The following TYMP variants were observed in gnomAD, a reference collection of about 807,000 sequenced individuals.
TYMP encodes thymidine phosphorylase, also known as gliostatin.
Under a neutral mutation model 42.3 loss-of-function variants are expected in TYMP, and 46 were observed. That is an observed-to-expected ratio of 1.09 (90% CI 0.86 to 1.39). The LOEUF (loss-of-function observed/expected upper bound fraction) is 1.39. Ranked by LOEUF, TYMP falls within the 40% of genes most tolerant of loss-of-function variation. The probability of loss-of-function intolerance (pLI) is 0.00; values close to 1 mark genes in which losing one functional copy is unlikely to be tolerated. For missense variants in TYMP, 837 were observed against 677.6 expected (o/e 1.24, Z -2.61); for synonymous variants, 363 against 308.0 (o/e 1.18, Z -1.87).
Position 50,526,725 on chromosome 22 carries a change from GC to G in TYMP, c.778del (p.Ala260ProfsTer3), listed in dbSNP as rs1026144430. The G allele has an allele frequency of 6.5e-7, 1 of 1,537,174 alleles. No homozygotes were observed. The highest frequency in any genetic ancestry group is 1.4e-5 in the African/African-American group (1 of 73,074). On this transcript the variant is annotated frameshift_variant, in exon 7 of 10. Transcript: ENST00000252029. LOFTEE classifies it high-confidence loss of function. ...ELAKTLVGVG[A>X]SLGLRVAAAL... is the part of the protein sequence containing the mutation. ...TGCCGCGACCCGAAGCCCTAGGCTG[GC>G]TCCCACGCCAACCTGCGGAGAGGAG...
At chr22:50,527,802 T>G in intron 4 of TYMP, 85 bp from the exon 5 acceptor site, 2 of 1,548,538 alleles carry the variant, frequency 1.3e-6, no homozygotes, top group Non-Finnish European at 1.7e-6. Context: ...CTGTGAAGAG[T>G]CTTCCTCTGT....
At position 50,529,198 on chromosome 22, in the gene TYMP, C is replaced by T. The variant is rs786205559; in HGVS notation, c.355G>A (p.Gly119Arg). Residue 119 changes from glycine to arginine, a missense_variant, in exon 3 of 10, where the codon GGG becomes AGG. Gly to Arg is a moderately radical substitution (Grantham distance 125). Transcript: ENST00000252029. The part of the protein sequence containing the change: ...RQQLVDKHST[G>R]GVGDKVSLVL... ...AGGCTGACCTTGTCACCCACACCCC[C>T]TGTGGAATGCTTGTCCACAAGCTGC... The T allele has an allele frequency of 6.2e-7, 1 of 1,613,338 alleles. No homozygotes were observed. Among genetic ancestry groups the T allele is most frequent in the Non-Finnish European group, 8.5e-7 (1 of 1,180,012 alleles).
rs745699088 is a variant in TYMP, at chr22:50,526,659, C to G, written c.845G>C (p.Gly282Ala). 7.1e-6 allele frequency: 11 copies of G among 1,557,970 alleles called. No homozygotes were observed. The change falls in exon 7 of 10, where the codon GGC (glycine) becomes GCC (alanine). Residue 282 changes from glycine to alanine, a missense_variant. Transcript: ENST00000252029. ...AMDKPLGRCV[G>A]HALEVEEALL... ...CGCCTCCTCCACCTCCAGGGCGTGG[C>G]CCACGCAGCGACCCAGGGGCTTGTC...
In TYMP at chr22:50,527,063, G is replaced by C. The variant is rs2069415511; in HGVS notation, c.765+102C>G. On this transcript the variant is annotated intron_variant, in intron 6 of 9. Coordinates refer to ENST00000252029, the MANE Select transcript of TYMP (RefSeq NM_001953.5). The stretch of plus-strand genomic sequence containing the variant: ...GCAGAAGAGGGTGGGACTGGGGTTA[G>C]GCAGGACTGCTGAGTGGAGGGAGGC... 4.1e-6 allele frequency: 4 copies of C among 969,200 alleles called. No individual in the cohort carries two copies. The Admixed American group carries it at 6.8e-5, about 16-fold the overall frequency. The allele number at this position is 969,200 out of a possible 1,614,324, so 60.0% of individuals were successfully genotyped here.
intron 2 of TYMP, 44 bp downstream of exon 2, chr22:50,529,452 G>A (rs375403785): frequency 7.3e-5 from 118 of 1,608,876 alleles, no homozygotes; most frequent in Non-Finnish European, 9.8e-5. Context: ...CTCTCGGGCT[G>A]ACCTCCCAGT....
In TYMP at chr22:50,526,579, G is replaced by A. The variant is rs1230760121; in HGVS notation, c.925C>T (p.Leu309Phe). 1 of 1,574,424 alleles carries A rather than the reference G, an allele frequency of 6.4e-7. No homozygotes were observed. Among genetic ancestry groups the A allele is most frequent in the South Asian group, 1.2e-5 (1 of 86,202 alleles). ...PPDLRDLVTT[L>F]GGALLWLSGH... is the part of the protein sequence containing the mutation. Reference sequence around the variant, plus strand: ...CCCTACACCCCGTCCCCCTCACCGAGCGTGGTGACCAGGTCCCTTAAGTCT... The same window carrying A: ...CCCTACACCCCGTCCCCCTCACCGAACGTGGTGACCAGGTCCCTTAAGTCT... The change falls in exon 7 of 10, where the codon CTC (leucine) becomes TTC (phenylalanine). Residue 309 changes from leucine (L) to phenylalanine (F), a missense_variant. Physicochemically the swap from Leu to Phe is conservative, Grantham distance 22. Transcript: ENST00000252029.
intron 7 of TYMP, 21 bp downstream of exon 7, chr22:50,526,555 C>T (rs552377322): frequency 2.6e-5 from 40 of 1,558,460 alleles, no homozygotes; most frequent in Non-Finnish European, 3.1e-5. Context: ...CCTCCGCTCC[C>T]CTACACCCCG....
chr22:50,526,025 C>T lies in TYMP; in HGVS notation c.1276G>A (p.Asp426Asn). 2 of 1,473,290 alleles carry T rather than the reference C, an allele frequency of 1.4e-6. No homozygotes were observed. The highest frequency in any genetic ancestry group is 1.8e-6 in the Non-Finnish European group (2 of 1,119,302). The allele number at this position is 1,473,290 out of a possible 1,614,324, so 91.3% of individuals were successfully genotyped here. A position where few individuals can be genotyped will look rare whatever the true frequency, so the allele number is the denominator to read the frequency against. ...RLGVGAELLV[D>N]VGQRLRRGTP... The stretch of plus-strand genomic sequence containing the variant: ...CCACGGCGCAGCCTCTGACCCACGT[C>T]GACCAGCAGCTCTGCGCCCACCCCC... The change falls in exon 9 of 10, where the codon GAC becomes AAC. Residue 426 changes from aspartate to asparagine, a missense_variant. By Grantham distance (23) the Asp-to-Asn change is conservative. Transcript: ENST00000252029.
intron 4 of TYMP, 35 bp downstream of exon 4, chr22:50,528,477 A>T: frequency 6.4e-7 from 1 of 1,565,916 alleles, no homozygotes; most frequent in Non-Finnish European, 8.8e-7. Context: ...TCCATCATCA[A>T]CCTGGATTAA....
chr22:50,529,196 C>G lies in TYMP; in HGVS notation c.357G>C (p.Gly119=), dbSNP rs759788267. 46 of 1,613,224 alleles carry G rather than the reference C, an allele frequency of 2.9e-5. No homozygotes were observed. Among genetic ancestry groups the G allele is most frequent in the Non-Finnish European group, 2.4e-5 (28 of 1,180,024 alleles). ...RQQLVDKHST[G]GVGDKVSLVL... ...CCAGGCTGACCTTGTCACCCACACC[C>G]CCTGTGGAATGCTTGTCCACAAGCT... The change falls in exon 3 of 10, where the codon GGG becomes GGC. Residue 119 remains glycine, a synonymous_variant. Coordinates refer to ENST00000252029, the MANE Select transcript of TYMP (RefSeq NM_001953.5).
chr22:50,529,111 G>T (rs199914723), intron 3 of TYMP, 25 bp downstream of exon 3: 1 of 1,611,894 alleles, frequency 6.2e-7, no homozygotes, highest in Non-Finnish European at 8.5e-7. Context: ...ATAGGCTCCC[G>T]TCTGGAAAGG....
intron 3 of TYMP, 23 bp from the exon 4 acceptor site, chr22:50,528,633 A>G: frequency 6.3e-7 from 1 of 1,583,306 alleles, no homozygotes; most frequent in Non-Finnish European, 8.7e-7. Context: ...GATGCTGAGT[A>G]CCCTGCACAG....
chr22:50,526,188 C>A, intron 8 of TYMP, 47 bp from the exon 9 acceptor site: 2 of 1,474,924 alleles, frequency 1.4e-6, no homozygotes, highest in East Asian at 2.8e-5. Flanking sequence ...AGGGGCGGGG[C>A]CTCGGGAAGG....
At position 50,527,795 on chromosome 22, in the gene TYMP, T is replaced by C. The variant is rs534368374; in HGVS notation, c.517-78A>G. 13 of 1,527,826 alleles carry C rather than the reference T, an allele frequency of 8.5e-6. 1 individual carries two copies. In the South Asian group the frequency reaches 1.5e-4, roughly 17 times the overall value. The allele number at this position is 1,527,826 out of a possible 1,614,324, so 94.6% of individuals were successfully genotyped here. ...TTTTTTTTTTTTTTTTTTTTTTCTG[T>C]GAAGAGTCTTCCTCTGTTGCCCAGG... is the stretch of plus-strand genomic sequence containing the variant. On this transcript the variant is annotated intron_variant, in intron 4 of 9. Transcript: ENST00000252029.
intron 4 of TYMP, chr22:50,528,172 C>G: frequency 2.5e-6 from 1 of 404,012 alleles, no homozygotes; most frequent in South Asian, 2.1e-5. Flanking sequence ...CCACCACACG[C>G]AGCGAACTAT....
At chr22:50,530,017 G>A (rs2069534790), upstream of TYMP, 1 of 354,012 alleles carries the variant, frequency 2.8e-6, no homozygotes, top group African/African-American at 2.1e-5. Flanking sequence ...TCCACTGCCG[G>A]CGGCGGGGCG....
Position 50,526,147 on chromosome 22 carries a change from G to T in TYMP, c.1160-6C>A. On this transcript the variant is annotated splice_region_variant and splice_polypyrimidine_tract_variant and intron_variant, in intron 8 of 9. Transcript: ENST00000252029. ...CCGGACCAGCTCCACGGTGCCTGCGGGGAGAGGGGCTGAGAGGCGCGGGCT... is the reference window on the plus strand; with the variant it reads ...CCGGACCAGCTCCACGGTGCCTGCGTGGAGAGGGGCTGAGAGGCGCGGGCT... The T allele has an allele frequency of 6.7e-7, 1 of 1,482,496 alleles. No individual in the cohort carries two copies. Among genetic ancestry groups the T allele is most frequent in the Non-Finnish European group, 8.9e-7 (1 of 1,122,956 alleles). The allele number at this position is 1,482,496 out of a possible 1,614,324, so 91.8% of individuals were successfully genotyped here.
At chr22:50,525,951 G>C (rs1426570081) in intron 9 of TYMP, 33 bp from the exon 10 acceptor site, 2 of 1,413,136 alleles carry the variant, frequency 1.4e-6, no homozygotes, top group Non-Finnish European at 1.8e-6. Flanking sequence ...AGGCCGCGCG[G>C]CCGGAGCTGG....
chr22:50,525,882 G>T lies in TYMP; in HGVS notation c.1337C>A (p.Ala446Glu), dbSNP rs1368653283. ...PWLRVHRDGPALSGPQSRALQ... is the reference protein window; with the variant it reads ...PWLRVHRDGPELSGPQSRALQ... ...GGCGCGGCTCTGCGGGCCGCTGAGC[G>T]CGGGGCCGTCCCGGTGCACGCGGAG... The change falls in exon 10 of 10, where the codon GCG becomes GAG. Residue 446 changes from alanine to glutamate, a missense_variant. Transcript: ENST00000252029. 1 of 1,582,894 alleles carries T rather than the reference G, an allele frequency of 6.3e-7. No homozygotes were observed. Among genetic ancestry groups the T allele is most frequent in the African/African-American group, 1.4e-5 (1 of 73,338 alleles).
Sources: allele counts gnomAD v4.1 joint callset, GRCh38; gene constraint gnomAD v4.1.1; transcripts MANE v1.5; gene names NCBI Gene and HGNC (gene_info 2026-07-23, HGNC 2026-07-21).